Variants in ANKRD30A observed in about 807,000 individuals in gnomAD.
The protein encoded by ANKRD30A is ankyrin repeat domain-containing protein 30A.
Under a neutral mutation model 166.3 loss-of-function variants are expected in ANKRD30A, and 170 were observed. The observed-to-expected ratio is 1.02, with a 90% confidence interval of 0.90 to 1.16. The LOEUF is 1.16. Ranked by LOEUF, ANKRD30A falls within the 50% of genes most tolerant of loss-of-function variation. The probability of loss-of-function intolerance (pLI) is 0.00; values close to 1 mark genes in which losing one functional copy is unlikely to be tolerated. For missense variants in ANKRD30A, 1,630 were observed against 1,518.0 expected (o/e 1.07, Z -1.23); for synonymous variants, 564 against 508.9 (o/e 1.11, Z -1.46).
chr10:37,214,852 G>C (rs1842522947), intron 31 of ANKRD30A, among the ~76,000 whole-genome samples: 1 of 151,310 alleles, frequency 6.6e-6, no homozygotes, highest in Admixed American at 6.6e-5. Flanking sequence ...AGTTTAGAAT[G>C]TATTTAGCCA....
rs1837757468 is a variant in ANKRD30A, at chr10:37,149,582, G to C, written c.1544-69G>C. 1.4e-5 allele frequency: 21 copies of C among 1,522,968 alleles called. No homozygotes were observed. In the Admixed American group the frequency reaches 3.6e-4, roughly 26 times the overall value. The allele number at this position is 1,522,968 out of a possible 1,614,324, so 94.3% of individuals were successfully genotyped here. On this transcript the variant is annotated intron_variant, in intron 9 of 35. Transcript: ENST00000361713. ...CCAAGAGGAATCAGTTACATACTAT[G>C]ACTGCATTCATTTGGTTGGCATTGT...
At chr10:37,252,564 T>G in the ANKRD30A span, among the ~76,000 whole-genome samples, 1 of 152,204 alleles carries the variant, frequency 6.6e-6, no homozygotes, top group African/African-American at 2.4e-5. Context: ...TAGGTGTCAG[T>G]TTTTCAAATG....
chr10:37,211,164 A>C (rs1386805058), intron 31 of ANKRD30A, among the ~76,000 whole-genome samples: 2 of 151,392 alleles, frequency 1.3e-5, no homozygotes, highest in Non-Finnish European at 2.9e-5. Flanking sequence ...ATTATACTTT[A>C]AGTTTTAGGG....
At chr10:37,162,750 A>C (rs371388899) in intron 16 of ANKRD30A, 26 bp from the exon 17 acceptor site, 1 of 1,613,552 alleles carries the variant, frequency 6.2e-7, no homozygotes, top group African/African-American at 1.3e-5. Context: ...TTCTTTATTA[A>C]TCATTTTGCT....
At chr10:37,201,093 T>A (rs1841585598) in intron 30 of ANKRD30A, 142 bp from the exon 31 acceptor site, 1 of 526,856 alleles carries the variant, frequency 1.9e-6, no homozygotes, top group Non-Finnish European at 3.1e-6. Flanking sequence ...AAAATGTTTT[T>A]TTTTATACGT....
intron 7 of ANKRD30A, among the ~76,000 whole-genome samples, chr10:37,144,687 C>T (rs1449672936): frequency 5.3e-5 from 8 of 151,964 alleles, no homozygotes; most frequent in African/African-American, 1.7e-4. Context: ...GAGTGAACAG[C>T]AAATATCTGA....
the ANKRD30A span, among the ~76,000 whole-genome samples, chr10:37,262,210 T>C: frequency 6.6e-6 from 1 of 152,192 alleles, no homozygotes; most frequent in African/African-American, 2.4e-5. Flanking sequence ...CTCAGAAAGA[T>C]GGTGTCTCCC....
chr10:37,237,995 A>T, the ANKRD30A span, among the ~76,000 whole-genome samples: 1 of 152,346 alleles, frequency 6.6e-6, no homozygotes, highest in East Asian at 1.9e-4. Context: ...AACATTGAAA[A>T]GTTTATACTT....
At chr10:37,224,849 C>G (rs1843070805) in intron 34 of ANKRD30A, among the ~76,000 whole-genome samples, 1 of 151,528 alleles carries the variant, frequency 6.6e-6, no homozygotes, top group African/African-American at 2.4e-5. Context: ...CTCCTCAACT[C>G]AGAATGTTTT....
rs752165656 is a variant in ANKRD30A at position 37,201,326 on chromosome 10, G to A, written c.2869+1G>A. 6.4e-7 allele frequency: 1 copy of A among 1,569,008 alleles called. No individual in the cohort carries two copies. The highest frequency in any genetic ancestry group is 1.9e-5 in the Admixed American group (1 of 52,078). On this transcript the variant is annotated splice_donor_variant, in intron 31 of 35. Coordinates refer to ENST00000361713, the MANE Select transcript of ANKRD30A (RefSeq NM_052997.3). LOFTEE classifies it high-confidence loss of function. ...GATAAAATAAGTGGAAAATTAGAAG[G>A]TAAGAACCATCTTTTATTTAAAAGG...
chr10:37,223,723 G>A (rs761524994), intron 34 of ANKRD30A, among the ~76,000 whole-genome samples: 15 of 150,794 alleles, frequency 9.9e-5, no homozygotes, highest in Non-Finnish European at 1.6e-4. Flanking sequence ...GTTATAAAAC[G>A]GCTTTACACA....
At chr10:37,193,040 T>C (rs1244130122) in intron 25 of ANKRD30A, 24 bp from the exon 26 acceptor site, 46 of 1,606,138 alleles carry the variant, frequency 2.9e-5, no homozygotes, top group Non-Finnish European at 3.7e-5. Context: ...ATACAATAAA[T>C]TATATATGTC....
intron 31 of ANKRD30A, among the ~76,000 whole-genome samples, chr10:37,211,399 T>A (rs186172828): frequency 2.7e-4 from 41 of 152,122 alleles, no homozygotes; most frequent in African/African-American, 9.1e-4. Context: ...TTTTCTGTTC[T>A]TGTGCTAGTT....
chr10:37,226,343 G>A (rs1248065034), intron 34 of ANKRD30A, among the ~76,000 whole-genome samples: 1 of 144,174 alleles, frequency 6.9e-6, no homozygotes, highest in African/African-American at 2.6e-5. Context: ...CCACCTATGA[G>A]TGAGAACATG....
chr10:37,142,282 G>A lies in ANKRD30A; in HGVS notation c.1385G>A (p.Ser462Asn). 1.3e-6 allele frequency: 2 copies of A among 1,589,866 alleles called. No individual in the cohort carries two copies. The highest frequency in any genetic ancestry group is 1.7e-6 in the Non-Finnish European group (2 of 1,173,060). Residue 462 changes from serine (S) to asparagine (N), a missense_variant, in exon 7 of 36, where the codon AGT becomes AAT. Ser to Asn is a conservative substitution (Grantham distance 46). This residue lies in a region of ANKRD30A where 904 missense variants were observed against 818.5 expected (regional missense o/e 1.10). Transcript: ENST00000361713. Reference protein sequence around the residue: ...CPTKESSTKASANDQRFPSES... With the variant: ...CPTKESSTKANANDQRFPSES... ...ACAAAAGAATCATCTACAAAAGCAA[G>A]TGCCAATGGTAAGATGCTAGAGCGA...
chr10:37,150,957 G>A (rs1837889589), intron 11 of ANKRD30A, among the ~76,000 whole-genome samples: 1 of 151,082 alleles, frequency 6.6e-6, no homozygotes, highest in Admixed American at 6.6e-5. Flanking sequence ...TTAGATCTCT[G>A]AAACGATCCA....
chr10:37,155,214 A>G (rs1838273766), intron 13 of ANKRD30A, among the ~76,000 whole-genome samples: 1 of 152,188 alleles, frequency 6.6e-6, no homozygotes, highest in South Asian at 2.1e-4. Flanking sequence ...ATTTAAATGA[A>G]ATACAGCAAT....
At chr10:37,165,222 T>C in intron 18 of ANKRD30A, 67 bp downstream of exon 18, 1 of 1,436,146 alleles carries the variant, frequency 7.0e-7, no homozygotes, top group South Asian at 1.2e-5. Context: ...AATCAGATGC[T>C]TAGTCTTTAT....
chr10:37,189,915 T>C (rs995581918), intron 25 of ANKRD30A, among the ~76,000 whole-genome samples: 1 of 151,840 alleles, frequency 6.6e-6, no homozygotes, highest in Non-Finnish European at 1.5e-5. Flanking sequence ...GATGATAAAA[T>C]GAAATGATTG....
Sources: gnomAD v4.1 joint callset for allele counts (sites outside exome capture counted in the v4.1 genomes callset) on GRCh38, gnomAD v4.1.1 for gene constraint, gnomAD v4.1.1 regional missense constraint, MANE v1.5 for transcripts, NCBI Gene and HGNC (gene_info 2026-07-23, HGNC 2026-07-21) for gene names.